Variants in CHDH observed in about 807,000 individuals in gnomAD.
The protein encoded by CHDH is choline dehydrogenase, mitochondrial.
Under a neutral mutation model 56.9 loss-of-function variants are expected in CHDH, and 43 were observed. That is an observed-to-expected ratio of 0.76 (90% confidence interval 0.59 to 0.97). The LOEUF (loss-of-function observed/expected upper bound fraction) is 0.97, where lower values mean the gene tolerates loss of function less well. Among genes scored for constraint, CHDH ranks in the 50% least tolerant of loss-of-function variants. The pLI is 0.00. For synonymous variants in CHDH, 364 were observed against 348.5 expected (o/e 1.04, Z -0.50); for missense variants, 816 against 821.1 (o/e 0.99, Z 0.08).
rs531598852 is a variant in CHDH, at chr3:53,827,620, A to C, written c.-59-3553T>G. ...ACTACTGCACCTCAGCCTAAGTGAC[A>C]GCAAGACCCTGCCCCTAAATAAATA... On this transcript the variant is annotated intron_variant, in intron 2 of 8. Transcript: ENST00000315251. Among the ~76,000 whole-genome samples, 5 of 152,348 alleles carry C rather than the reference A, an allele frequency of 3.3e-5. No individual in the cohort carries two copies. In the East Asian group the frequency reaches 9.6e-4, roughly 29 times the overall value.
At chr3:53,837,795 C>T (rs994713353) in intron 2 of CHDH, among the ~76,000 whole-genome samples, 2 of 152,128 alleles carry the variant, frequency 1.3e-5, no homozygotes, top group Non-Finnish European at 2.9e-5. Flanking sequence ...CGGTGGCTCA[C>T]ATCTGTAATC....
chr3:53,822,945 C>G (rs2095630613), intron 3 of CHDH, among the ~76,000 whole-genome samples: 2 of 152,172 alleles, frequency 1.3e-5, no homozygotes, highest in South Asian at 2.1e-4. Context: ...CGGGTCAGCC[C>G]TGGCTCGCCT....
At chr3:53,833,253 C>T (rs1422875753) in intron 2 of CHDH, among the ~76,000 whole-genome samples, 1 of 152,218 alleles carries the variant, frequency 6.6e-6, no homozygotes, top group African/African-American at 2.4e-5. Context: ...CCTGAGGTGG[C>T]GGCAGGTCAT....
At chr3:53,845,182 G>C (rs1320500687) in intron 1 of CHDH, among the ~76,000 whole-genome samples, 1 of 152,134 alleles carries the variant, frequency 6.6e-6, no homozygotes, top group African/African-American at 2.4e-5. Context: ...CCTTGGTCAG[G>C]AAACAGAGCA....
chr3:53,819,711 C>G lies in CHDH; in HGVS notation c.1121-37G>C. The G allele has an allele frequency of 2.6e-6, 4 of 1,518,250 alleles. No individual in the cohort carries two copies. Among genetic ancestry groups the G allele is most frequent in the East Asian group, 2.4e-5 (1 of 41,908 alleles). 94.0% of individuals were successfully genotyped at this position (1,518,250 alleles called of 1,614,324 possible). ...AAGAGGATGAGGCAGAAGAGCCAGT[C>G]AGGCCGTGGCAGGTGGGCCGGCTGC... is the stretch of plus-strand genomic sequence containing the variant. On this transcript the variant is annotated intron_variant, in intron 6 of 8. Coordinates refer to ENST00000315251, the MANE Select transcript of CHDH (RefSeq NM_018397.5). This position sits in a 1 kb window ranked among gnomAD's most constrained non-coding sequence, Gnocchi z 5.4.
intron 2 of CHDH, among the ~76,000 whole-genome samples, chr3:53,834,228 C>T (rs1045243782): frequency 6.6e-6 from 1 of 152,208 alleles, no homozygotes; most frequent in African/African-American, 2.4e-5. Context: ...GGGTGGATCA[C>T]TTGAGGTCAG....
At chr3:53,824,154 G>C in intron 2 of CHDH, 87 bp from the exon 3 acceptor site, 1 of 724,818 alleles carries the variant, frequency 1.4e-6, no homozygotes, top group East Asian at 3.2e-5. Flanking sequence ...GGGTGCAGCA[G>C]GCCCAGCCTG....
Position 53,821,739 on chromosome 3 carries a change from GCACCTC to G in CHDH, c.887_892del (p.Gly296_Gly297del). 1 of 1,613,998 alleles carries G rather than the reference GCACCTC, an allele frequency of 6.2e-7. No homozygotes were observed. The highest frequency in any genetic ancestry group is 8.5e-7 in the Non-Finnish European group (1 of 1,179,942). On this transcript the variant is annotated inframe_deletion, in exon 5 of 9. Transcript: ENST00000315251. Reference sequence around the variant, plus strand: ...CATGAGCAGCTGTGGAGAGTTGATGGCACCTCCACTCAGAATCACCTCCTTGCTGGC... The same window carrying G: ...CATGAGCAGCTGTGGAGAGTTGATGGCACTCAGAATCACCTCCTTGCTGGC...
At position 53,823,418 on chromosome 3, in the gene CHDH, C is replaced by A; in HGVS notation, c.591G>T (p.Pro197=). Residue 197 remains proline, a synonymous_variant, in exon 3 of 9, where the codon CCG becomes CCT. Transcript: ENST00000315251. ...TGGCCTCCAGGAATGCGCAGTGCAG[C>A]GGGTGGTTGGTCTTGCCCCGGGACA... ...LRVSRGKTNH[P]LHCAFLEATQ... 2 of 1,592,842 alleles carry A rather than the reference C, an allele frequency of 1.3e-6. No individual in the cohort carries two copies. Among genetic ancestry groups the A allele is most frequent in the Non-Finnish European group, 1.7e-6 (2 of 1,169,702 alleles).
chr3:53,820,387 T>G, intron 6 of CHDH, 87 bp downstream of exon 6: 2 of 1,469,292 alleles, frequency 1.4e-6, no homozygotes, highest in Non-Finnish European at 1.8e-6. Flanking sequence ...TCAAACCCAG[T>G]GGCCAGAACC....
intron 8 of CHDH, 23 bp from the exon 9 acceptor site, chr3:53,818,218 G>A (rs758574531): frequency 3.2e-6 from 5 of 1,570,454 alleles, no homozygotes; most frequent in Non-Finnish European, 4.3e-6. Context: ...AGAAACAGGT[G>A]AGGACCCCTC....
intron 2 of CHDH, among the ~76,000 whole-genome samples, chr3:53,826,442 A>T (rs1453932783): frequency 6.6e-6 from 1 of 152,248 alleles, no homozygotes; most frequent in East Asian, 1.9e-4. Context: ...AGTGGGCTTT[A>T]TCTCAAGTAT....
chr3:53,829,019 GATAA>G (rs1437099814), intron 2 of CHDH, among the ~76,000 whole-genome samples: 1 of 152,124 alleles, frequency 6.6e-6, no homozygotes, highest in Non-Finnish European at 1.5e-5. Context: ...TAGGTGAATG[GATAA>G]ATAAACTGTG....
chr3:53,842,294 G>A (rs763158939), intron 1 of CHDH, among the ~76,000 whole-genome samples: 1 of 151,968 alleles, frequency 6.6e-6, no homozygotes, highest in Non-Finnish European at 1.5e-5. Context: ...CTACATCTAC[G>A]ACCCATATAT....
intron 2 of CHDH, among the ~76,000 whole-genome samples, chr3:53,835,899 G>A (rs913668069): frequency 6.6e-6 from 1 of 152,180 alleles, no homozygotes; most frequent in African/African-American, 2.4e-5. Flanking sequence ...CCTGCCCCAT[G>A]TCAAGCCAAA....
rs369453687 is a variant in CHDH, at chr3:53,828,345, A to T, written c.-59-4278T>A. Reference sequence around the variant, plus strand: ...CTAGATGACCTTGGGCTTGACGATGACTTTATATATTATGACACCAAAGGC... The same window carrying T: ...CTAGATGACCTTGGGCTTGACGATGTCTTTATATATTATGACACCAAAGGC... On this transcript the variant is annotated intron_variant, in intron 2 of 8. Coordinates refer to ENST00000315251, the MANE Select transcript of CHDH (RefSeq NM_018397.5). 1.2e-3 allele frequency among the ~76,000 whole-genome samples: 189 copies of T among 152,328 alleles called. 4 individuals are homozygous for T. The South Asian group carries it at 0.037, about 30-fold the overall frequency.
In CHDH at chr3:53,819,670, C is replaced by G. The variant is rs376011719; in HGVS notation, c.1125G>C (p.Glu375Asp). ...CTGTTTCCAGATGGGCAGTGGCTCC[C>G]TCCCCTGAGAAGCAGAAGAGGATGA... ...GLEWLWKFTG[E>D]GATAHLETGG... Residue 375 changes from glutamate (E) to aspartate (D), a missense_variant, in exon 7 of 9, where the codon GAG (glutamate) becomes GAC (aspartate). Physicochemically the swap from Glu to Asp is conservative, Grantham distance 45. Transcript: ENST00000315251. The surrounding 1 kb of genome is among the most constrained non-coding windows in gnomAD (Gnocchi z 5.4). 4.8e-5 allele frequency: 77 copies of G among 1,600,118 alleles called. No individual in the cohort carries two copies. The South Asian group carries it at 4.8e-4, about 10-fold the overall frequency.
chr3:53,824,650 A>G (rs1370345961), intron 2 of CHDH, among the ~76,000 whole-genome samples: 1 of 152,216 alleles, frequency 6.6e-6, no homozygotes, highest in African/African-American at 2.4e-5. Flanking sequence ...AGGGATTTGA[A>G]GCAGGTTCAA....
Position 53,824,015 on chromosome 3 carries a change from A to G in CHDH, c.-7T>C. On this transcript the variant is annotated 5_prime_UTR_variant, in exon 3 of 9. Transcript: ENST00000315251. The stretch of plus-strand genomic sequence containing the variant: ...CTCGTAGGAGACACCACATGCTTCT[A>G]TCTAGTCCAAGTCCTCTGATCCACG... The G allele has an allele frequency of 6.9e-7, 1 of 1,452,084 alleles. No homozygotes were observed. Among genetic ancestry groups the G allele is most frequent in the African/African-American group, 1.5e-5 (1 of 68,912 alleles). The allele number at this position is 1,452,084 out of a possible 1,614,324, so 89.9% of individuals were successfully genotyped here.
Sources: gnomAD v4.1 joint callset for allele counts (sites outside exome capture counted in the v4.1 genomes callset) on GRCh38, gnomAD v4.1.1 for gene constraint, Gnocchi (gnomAD v3.1) non-coding constraint, MANE v1.5 for transcripts, NCBI Gene and HGNC (gene_info 2026-07-23, HGNC 2026-07-21) for gene names.